The following CNTNAP5 variants were observed in gnomAD, a reference collection of about 807,000 sequenced individuals.
CNTNAP5 encodes contactin-associated protein-like 5.
In CNTNAP5, 72 loss-of-function variants were observed where a neutral mutation model predicts 150.2. The observed-to-expected ratio is 0.48, with a 90% CI of 0.40 to 0.58. The LOEUF is 0.58. Among genes scored for constraint, CNTNAP5 ranks in the 20% least tolerant of loss-of-function variants. The pLI, the probability that CNTNAP5 is intolerant of heterozygous loss-of-function variation, is 0.00. For synonymous variants in CNTNAP5, 672 were observed against 619.8 expected (o/e 1.08, Z -1.25); for missense variants, 1,636 against 1,626.2 (o/e 1.01, Z -0.10).
At chr2:124,323,444 G>A (rs1485135908) in intron 3 of CNTNAP5, among the ~76,000 whole-genome samples, 1 of 152,178 alleles carries the variant, frequency 6.6e-6, no homozygotes, top group Non-Finnish European at 1.5e-5. Context: ...CTTCAGCAAT[G>A]TGTCTCTTGC....
chr2:124,642,792 G>A (rs1015622459), intron 12 of CNTNAP5, among the ~76,000 whole-genome samples: 4 of 152,098 alleles, frequency 2.6e-5, no homozygotes, highest in Admixed American at 6.5e-5. Flanking sequence ...CACTAACTGG[G>A]CACATATTTA....
At position 124,527,321 on chromosome 2, in the gene CNTNAP5, A is replaced by C; in HGVS notation, c.1514A>C (p.Asn505Thr). 3 of 1,613,626 alleles carry C rather than the reference A, an allele frequency of 1.9e-6. No individual in the cohort carries two copies. The highest frequency in any genetic ancestry group is 2.5e-6 in the Non-Finnish European group (3 of 1,179,702). Reference sequence around the variant, plus strand: ...AATCTCACCGATTCCCAATGTTTAAATCCCATTAAGGCTTTCCAAGGCTGC... The same window carrying C: ...AATCTCACCGATTCCCAATGTTTAACTCCCATTAAGGCTTTCCAAGGCTGC... ...PDNLTDSQCL[N>T]PIKAFQGCMR... Residue 505 changes from asparagine to threonine, a missense_variant, in exon 10 of 24, where the codon AAT (asparagine) becomes ACT (threonine). Physicochemically the swap from Asn to Thr is moderately conservative, Grantham distance 65. Coordinates refer to ENST00000682447, the MANE Select transcript of CNTNAP5 (RefSeq NM_001367498.1).
chr2:124,356,874 A>G (rs1690024698), intron 3 of CNTNAP5, among the ~76,000 whole-genome samples: 3 of 151,856 alleles, frequency 2.0e-5, no homozygotes, highest in Admixed American at 2.0e-4. Flanking sequence ...TCCCTGAGGA[A>G]TCGCCACACT....
intron 6 of CNTNAP5, among the ~76,000 whole-genome samples, chr2:124,451,051 A>AAAAAATAT (rs1360743225): frequency 3.1e-5 from 2 of 65,290 alleles, no homozygotes; most frequent in Non-Finnish European, 5.2e-5. Flanking sequence ...AAAAAAAAAA[A>AAAAAATAT]ATATATATAT....
At chr2:124,654,825 G>T (rs991853379) in intron 13 of CNTNAP5, among the ~76,000 whole-genome samples, 1 of 151,624 alleles carries the variant, frequency 6.6e-6, no homozygotes, top group African/African-American at 2.4e-5. Flanking sequence ...GGGTAGAACT[G>T]ATCCCCAGTG....
At chr2:124,149,678 C>A (rs749147139) in intron 1 of CNTNAP5, among the ~76,000 whole-genome samples, 1 of 152,170 alleles carries the variant, frequency 6.6e-6, no homozygotes, top group Non-Finnish European at 1.5e-5. Flanking sequence ...GAGTGAGCAG[C>A]GCCAATCCGA....
At chr2:124,341,843 G>T (rs1689625111) in intron 3 of CNTNAP5, among the ~76,000 whole-genome samples, 1 of 152,134 alleles carries the variant, frequency 6.6e-6, no homozygotes, top group Non-Finnish European at 1.5e-5. Context: ...ATAAGCTGTT[G>T]TGGTGATTTC....
At chr2:124,751,640 C>T (rs1680729917) in intron 14 of CNTNAP5, among the ~76,000 whole-genome samples, 1 of 152,168 alleles carries the variant, frequency 6.6e-6, no homozygotes. Context: ...TGTTTTAGAC[C>T]ACCACACCTC....
chr2:124,492,430 A>G (rs1483725555), intron 7 of CNTNAP5, among the ~76,000 whole-genome samples: 1 of 151,858 alleles, frequency 6.6e-6, no homozygotes, highest in Non-Finnish European at 1.5e-5. Context: ...TGTTCTGTTG[A>G]TCTCTGTGTC....
In CNTNAP5 at chr2:124,764,054, G is replaced by A; in HGVS notation, c.2440G>A (p.Ala814Thr). The change falls in exon 16 of 24, where the codon GCC becomes ACC. Residue 814 changes from alanine to threonine, a missense_variant. Transcript: ENST00000682447. ...TCCTACCTTCCATGCGGAATTCAGT[G>A]CCGATATTTCCTTCTTTTTTAAAAC... ...HFPTFHAEFS[A>T]DISFFFKTTA... 1 of 1,613,260 alleles carries A rather than the reference G, an allele frequency of 6.2e-7. No homozygotes were observed.
intron 17 of CNTNAP5, among the ~76,000 whole-genome samples, chr2:124,776,344 A>T (rs188917562): frequency 4.6e-5 from 7 of 152,070 alleles, no homozygotes; most frequent in African/African-American, 1.7e-4. Flanking sequence ...GCTACTCCAA[A>T]CTTACAATCC....
At chr2:124,083,930 G>T (rs183907880) in intron 1 of CNTNAP5, among the ~76,000 whole-genome samples, 1 of 152,074 alleles carries the variant, frequency 6.6e-6, no homozygotes, top group African/African-American at 2.4e-5. Flanking sequence ...ATATCTTGCT[G>T]GGAATTTGAT....
At chr2:124,407,148 TG>T (rs1558886772) in intron 3 of CNTNAP5, among the ~76,000 whole-genome samples, 1 of 152,098 alleles carries the variant, frequency 6.6e-6, no homozygotes, top group Non-Finnish European at 1.5e-5. Context: ...GTGATAAACA[TG>T]GGGGTGCAGG....
At chr2:124,539,411 T>C (rs1420043790) in intron 10 of CNTNAP5, among the ~76,000 whole-genome samples, 1 of 152,202 alleles carries the variant, frequency 6.6e-6, no homozygotes, top group African/African-American at 2.4e-5. Flanking sequence ...TCAGTCTCCC[T>C]GGTTGTCAAC....
At chr2:124,501,968 G>T (rs561301983) in intron 7 of CNTNAP5, among the ~76,000 whole-genome samples, 1 of 152,192 alleles carries the variant, frequency 6.6e-6, no homozygotes, top group Admixed American at 6.5e-5. Context: ...CTTCACAGGG[G>T]CAAGAATGAT....
chr2:124,713,366 T>A (rs559066244), intron 13 of CNTNAP5, among the ~76,000 whole-genome samples: 20 of 140,296 alleles, frequency 1.4e-4, no homozygotes, highest in African/African-American at 5.0e-4. Flanking sequence ...TTTCTTTCTT[T>A]CTTTCTTTCT....
chr2:124,307,244 A>G (rs2104652908), intron 3 of CNTNAP5, among the ~76,000 whole-genome samples: 1 of 152,268 alleles, frequency 6.6e-6, no homozygotes, highest in South Asian at 2.1e-4. Context: ...TTGGTGAGAC[A>G]GAGAGAAAGA....
intron 11 of CNTNAP5, among the ~76,000 whole-genome samples, chr2:124,598,687 CG>C (rs1696895914): frequency 1.3e-5 from 2 of 151,178 alleles, no homozygotes; most frequent in South Asian, 4.2e-4. Context: ...TTGAGCTTCC[CG>C]GCTGCTTTGT....
intron 3 of CNTNAP5, among the ~76,000 whole-genome samples, chr2:124,308,907 C>T (rs1284274309): frequency 6.6e-6 from 1 of 152,112 alleles, no homozygotes; most frequent in East Asian, 1.9e-4. Flanking sequence ...TTACAACTCA[C>T]CAGTCAAGCT....
Sources: gnomAD v4.1 joint callset for allele counts (sites outside exome capture counted in the v4.1 genomes callset) on GRCh38, gnomAD v4.1.1 for gene constraint, MANE v1.5 for transcripts, NCBI Gene and HGNC (gene_info 2026-07-23, HGNC 2026-07-21) for gene names.